The following SLC9C2 variants were observed in gnomAD, a reference collection of about 807,000 sequenced individuals.
SLC9C2 encodes the protein sodium/hydrogen exchanger 11.
A neutral mutation model predicts 140.2 loss-of-function variants in SLC9C2; 75 were observed. That is an observed-to-expected ratio of 0.53 (90% CI 0.44 to 0.65). SLC9C2 has a LOEUF of 0.65. Among genes scored for constraint, SLC9C2 ranks in the 30% least tolerant of loss-of-function variants. The pLI is 0.00. For synonymous variants in SLC9C2, 375 were observed against 420.9 expected (o/e 0.89, Z 1.34); for missense variants, 1,074 against 1,331.8 (o/e 0.81, Z 3.01).
chr1:173,536,790 A>G, intron 14 of SLC9C2, 152 bp downstream of exon 14: 1 of 601,510 alleles, frequency 1.7e-6, no homozygotes. Flanking sequence ...GATGGATGGA[A>G]GGACAGACAG....
At chr1:173,512,235 C>A (rs954795813) in intron 23 of SLC9C2, among the ~76,000 whole-genome samples, 1 of 152,156 alleles carries the variant, frequency 6.6e-6, no homozygotes, top group Non-Finnish European at 1.5e-5. Context: ...CTATAAATAA[C>A]TTTGGGCAGT....
At chr1:173,518,024 G>A (rs751809626) in intron 22 of SLC9C2, among the ~76,000 whole-genome samples, 32 of 152,184 alleles carry the variant, frequency 2.1e-4, no homozygotes, top group Non-Finnish European at 3.2e-4. Flanking sequence ...ACTTTGGGAG[G>A]CCAAGGCGGG....
At chr1:173,563,697 G>A (rs1483939462) in intron 9 of SLC9C2, among the ~76,000 whole-genome samples, 2 of 152,076 alleles carry the variant, frequency 1.3e-5, no homozygotes, top group East Asian at 3.8e-4. Context: ...TTTATCCTTT[G>A]TGTTACAGAC....
At chr1:173,585,408 T>C (rs1665792498) in intron 5 of SLC9C2, among the ~76,000 whole-genome samples, 1 of 152,226 alleles carries the variant, frequency 6.6e-6, no homozygotes, top group Non-Finnish European at 1.5e-5. Context: ...TATGACTATT[T>C]TATTTAATAG....
In SLC9C2 at chr1:173,534,582, TTATCATAGGATAAATATA is replaced by T; in HGVS notation, c.1858_1875del (p.Tyr620_Ile625del). 1 of 1,597,682 alleles carries T rather than the reference TTATCATAGGATAAATATA, an allele frequency of 6.3e-7. No individual in the cohort carries two copies. Among genetic ancestry groups the T allele is most frequent in the Non-Finnish European group, 8.5e-7 (1 of 1,173,442 alleles). On this transcript the variant is annotated inframe_deletion, in exon 16 of 28. Transcript: ENST00000367714. ...CCTCTTGCCATTGGCCACAGATGTATTATCATAGGATAAATATATATCAAATTTATAATCTGTCCTGTA... is the reference window on the plus strand; with the variant it reads ...CCTCTTGCCATTGGCCACAGATGTATTATCAAATTTATAATCTGTCCTGTA...
At chr1:173,528,357 T>A (rs556334284) in intron 18 of SLC9C2, among the ~76,000 whole-genome samples, 1 of 152,174 alleles carries the variant, frequency 6.6e-6, no homozygotes, top group Non-Finnish European at 1.5e-5. Flanking sequence ...CTGCATCTTC[T>A]CCCAAACTCC....
At chr1:173,506,626 C>T (rs1318075000) in intron 25 of SLC9C2, among the ~76,000 whole-genome samples, 1 of 152,216 alleles carries the variant, frequency 6.6e-6, no homozygotes, top group Non-Finnish European at 1.5e-5. Context: ...GCGTGGCAAG[C>T]AAACAGCAGG....
At chr1:173,554,592 T>C (rs999090092) in intron 11 of SLC9C2, 141 bp downstream of exon 11, 4 of 645,880 alleles carry the variant, frequency 6.2e-6, no homozygotes, top group Admixed American at 5.4e-5. Context: ...TAATACAGCA[T>C]CTAAATATAT....
intron 18 of SLC9C2, among the ~76,000 whole-genome samples, 170 bp downstream of exon 18, chr1:173,529,735 A>C (rs963875454): frequency 6.6e-6 from 1 of 151,866 alleles, no homozygotes. Context: ...GCTGAAATGT[A>C]ATGATCAGAG....
intron 13 of SLC9C2, among the ~76,000 whole-genome samples, 165 bp downstream of exon 13, chr1:173,547,524 A>G (rs16846204): frequency 0.048 from 7,231 of 151,786 alleles, 614 homozygotes; most frequent in African/African-American, 0.17. Context: ...AGCCTCAGGA[A>G]GAAGGAGAAT....
At chr1:173,520,283 G>T (rs531266698) in intron 22 of SLC9C2, among the ~76,000 whole-genome samples, 3 of 152,302 alleles carry the variant, frequency 2.0e-5, no homozygotes, top group Non-Finnish European at 4.4e-5. Context: ...GGCCAGGCTG[G>T]TCTCAAACTC....
At chr1:173,593,787 T>A (rs919013411) in intron 4 of SLC9C2, among the ~76,000 whole-genome samples, 2 of 152,136 alleles carry the variant, frequency 1.3e-5, no homozygotes, top group East Asian at 3.9e-4. Flanking sequence ...AGAAGGGCAT[T>A]ACATAATGGT....
intron 27 of SLC9C2, 21 bp downstream of exon 27, chr1:173,503,245 T>C: frequency 1.2e-6 from 2 of 1,601,846 alleles, no homozygotes; most frequent in Non-Finnish European, 1.7e-6. Context: ...AAAATTCTAA[T>C]CAAAGTGTCA....
intron 13 of SLC9C2, among the ~76,000 whole-genome samples, chr1:173,546,546 A>C (rs1662862901): frequency 6.6e-6 from 1 of 152,198 alleles, no homozygotes; most frequent in Non-Finnish European, 1.5e-5. Flanking sequence ...GCGCCACTGC[A>C]CTCCAGCCTG....
At chr1:173,526,556 T>C in intron 19 of SLC9C2, 107 bp downstream of exon 19, 1 of 995,378 alleles carries the variant, frequency 1.0e-6, no homozygotes, top group Non-Finnish European at 1.5e-6. Flanking sequence ...GCTTGTTGAA[T>C]GCATAAATGA....
chr1:173,507,071 G>C, intron 24 of SLC9C2, 30 bp from the exon 25 acceptor site: 1 of 1,484,246 alleles, frequency 6.7e-7, no homozygotes, highest in Non-Finnish European at 9.0e-7. Flanking sequence ...TAGAAAATAA[G>C]TCATACAAAC....
At chr1:173,537,303 C>T (rs1662042148) in intron 13 of SLC9C2, among the ~76,000 whole-genome samples, 1 of 152,092 alleles carries the variant, frequency 6.6e-6, no homozygotes, top group African/African-American at 2.4e-5. Flanking sequence ...CTCAGCCAGG[C>T]ATGGTGGCTC....
At position 173,526,560 on chromosome 1, in the gene SLC9C2, T is replaced by C. The variant is rs1304856997; in HGVS notation, c.2365+103A>G. The C allele has an allele frequency of 1.3e-5, 14 of 1,068,208 alleles. No individual in the cohort carries two copies. The African/African-American group carries it at 2.1e-4, about 16-fold the overall frequency. 66.2% of individuals were successfully genotyped at this position (1,068,208 alleles called of 1,614,324 possible). ...GTTTAATAAATGCTTGTTGAATGCA[T>C]AAATGAATGAGCAAGTAAATGAAAG... On this transcript the variant is annotated intron_variant, in intron 19 of 27. Transcript: ENST00000367714.
chr1:173,561,280 C>G (rs1370850562), intron 9 of SLC9C2, among the ~76,000 whole-genome samples: 1 of 152,076 alleles, frequency 6.6e-6, no homozygotes, highest in Non-Finnish European at 1.5e-5. Context: ...ACGGTCACTC[C>G]TTTTTAGAGA....
Sources: gnomAD v4.1 joint callset for allele counts (sites outside exome capture counted in the v4.1 genomes callset) on GRCh38, gnomAD v4.1.1 for gene constraint, MANE v1.5 for transcripts, NCBI Gene and HGNC (gene_info 2026-07-23, HGNC 2026-07-21) for gene names.